The following ABHD16A variants were observed in gnomAD, a reference collection of about 807,000 sequenced individuals.
ABHD16A encodes phosphatidylserine lipase ABHD16A.
ABHD16A carries 47 observed loss-of-function variants against 89.8 expected under a neutral mutation model. That is an observed-to-expected ratio of 0.52 (90% CI 0.41 to 0.67). The LOEUF (loss-of-function observed/expected upper bound fraction) is 0.67. ABHD16A is among the 30% of genes least tolerant of loss of function. ABHD16A has a pLI of 0.00. For synonymous variants in ABHD16A, 251 were observed against 280.4 expected (o/e 0.90, Z 1.05); for missense variants, 580 against 734.6 (o/e 0.79, Z 2.43).
At position 31,688,251 on chromosome 6, in the gene ABHD16A, G is replaced by A. The variant is rs1429805764; in HGVS notation, c.1305C>T (p.Thr435=). 2.5e-6 allele frequency: 4 copies of A among 1,613,792 alleles called. No homozygotes were observed. Among genetic ancestry groups the A allele is most frequent in the African/African-American group, 1.3e-5 (1 of 74,898 alleles). The stretch of plus-strand genomic sequence containing the variant: ...GGCCGAGATTCCCACGCACTCACGT[G>A]GTGGTGATGATCTCATCCTTGGTTC... ...IRRTKDEIIT[T]TVPEDIMSNR... Residue 435 remains threonine (T), a splice_region_variant and synonymous_variant, in exon 15 of 20, where the codon ACC becomes ACT. Transcript: ENST00000395952. This position sits in a 1 kb window ranked among gnomAD's most constrained non-coding sequence, Gnocchi z 4.9.
chr6:31,694,687 G>T (rs994156994), intron 5 of ABHD16A, among the ~76,000 whole-genome samples: 1 of 152,006 alleles, frequency 6.6e-6, no homozygotes, highest in Non-Finnish European at 1.5e-5. Flanking sequence ...CACCGCGCCC[G>T]GCCTAGCTGT....
chr6:31,688,406 G>A lies in ABHD16A; in HGVS notation c.1251-101C>T. 17 of 1,225,768 alleles carry A rather than the reference G, an allele frequency of 1.4e-5. No individual in the cohort carries two copies. The highest frequency in any genetic ancestry group is 1.9e-5 in the Non-Finnish European group (16 of 836,454). 75.9% of individuals were successfully genotyped at this position (1,225,768 alleles called of 1,614,324 possible). A position where few individuals can be genotyped will look rare whatever the true frequency, so the allele number is the denominator to read the frequency against. On this transcript the variant is annotated intron_variant, in intron 14 of 19. Coordinates refer to ENST00000395952, the MANE Select transcript of ABHD16A (RefSeq NM_021160.3). This position sits in a 1 kb window ranked among gnomAD's most constrained non-coding sequence, Gnocchi z 4.9. ...CTGGTAGCATTCTTACCCTCCCCTT[G>A]CTATAGCACAGCCCTTGACCTAGCC...
At chr6:31,702,009 G>A in intron 2 of ABHD16A, 65 bp downstream of exon 2, 3 of 1,590,768 alleles carry the variant, frequency 1.9e-6, no homozygotes, top group Non-Finnish European at 1.7e-6. Flanking sequence ...AGTTAGGGAG[G>A]GCTAAGTTCA....
At chr6:31,699,408 CAAAAAAAA>C (rs9281558) in intron 4 of ABHD16A, among the ~76,000 whole-genome samples, 3 of 54,268 alleles carry the variant, frequency 5.5e-5, no homozygotes, top group African/African-American at 1.9e-4. Context: ...GACTCCGTCT[CAAAAAAAA>C]AAAAAAAAAA....
At chr6:31,691,747 G>C in intron 8 of ABHD16A, 57 bp downstream of exon 8, 1 of 1,536,448 alleles carries the variant, frequency 6.5e-7, no homozygotes, top group Non-Finnish European at 8.8e-7. Context: ...GGTGGGGCGG[G>C]GTGGGTGGGG....
At chr6:31,691,522 G>A in intron 9 of ABHD16A, 57 bp downstream of exon 9, 1 of 1,550,728 alleles carries the variant, frequency 6.4e-7, no homozygotes, top group Non-Finnish European at 8.9e-7. Flanking sequence ...GGGGTCCCCA[G>A]ACCTCTACTG....
intron 3 of ABHD16A, 28 bp from the exon 4 acceptor site, chr6:31,701,056 C>A: frequency 6.4e-7 from 1 of 1,572,660 alleles, no homozygotes. Context: ...CAATGTGAGA[C>A]CCTCTCCGCA....
In ABHD16A at chr6:31,688,259, T is replaced by C. The variant is rs757554900; in HGVS notation, c.1297A>G (p.Ile433Val). The change falls in exon 15 of 20, where the codon ATC becomes GTC. Residue 433 changes from isoleucine (I) to valine (V), a missense_variant. Physicochemically the swap from Ile to Val is conservative, Grantham distance 29 (BLOSUM62 3). This residue lies in a region of ABHD16A where 415 missense variants were observed against 568.8 expected (regional missense o/e 0.73). Coordinates refer to ENST00000395952, the MANE Select transcript of ABHD16A (RefSeq NM_021160.3). This position sits in a 1 kb window ranked among gnomAD's most constrained non-coding sequence, Gnocchi z 4.9. Reference protein sequence around the residue: ...LLIRRTKDEIITTTVPEDIMS... With the variant: ...LLIRRTKDEIVTTTVPEDIMS... ...TTCCCACGCACTCACGTGGTGGTGATGATCTCATCCTTGGTTCTCCGGATC... is the reference window on the plus strand; with the variant it reads ...TTCCCACGCACTCACGTGGTGGTGACGATCTCATCCTTGGTTCTCCGGATC... 3.7e-6 allele frequency: 6 copies of C among 1,613,994 alleles called. No homozygotes were observed. In the South Asian group the frequency reaches 6.6e-5, roughly 18 times the overall value.
At chr6:31,691,739 T>TGGGG in intron 8 of ABHD16A, 59 bp from the exon 9 acceptor site, 2 of 86,966 alleles carry the variant, frequency 2.3e-5, no homozygotes, top group South Asian at 1.5e-4. Flanking sequence ...ATCACAGGGG[T>TGGGG]GGGGCGGGGT....
In ABHD16A at chr6:31,702,138, A is replaced by G. The variant is rs778608620; in HGVS notation, c.133-8T>C. ...GGGCTGATAGTACGTATCCTGCCAA[A>G]ACAGATGGCCTCCTTAAGGACCCTG... On this transcript the variant is annotated splice_region_variant and splice_polypyrimidine_tract_variant and intron_variant, in intron 1 of 19. Transcript: ENST00000395952. 1 of 1,613,022 alleles carries G rather than the reference A, an allele frequency of 6.2e-7. No homozygotes were observed. The highest frequency in any genetic ancestry group is 1.1e-5 in the South Asian group (1 of 91,078).
intron 5 of ABHD16A, among the ~76,000 whole-genome samples, chr6:31,695,623 T>C (rs1218521997): frequency 6.6e-6 from 1 of 151,952 alleles, no homozygotes; most frequent in African/African-American, 2.4e-5. Flanking sequence ...CTTGGGAGGC[T>C]GAGGCAGGAG....
At position 31,703,251 on chromosome 6, in the gene ABHD16A, G is replaced by A; in HGVS notation, c.31C>T (p.Pro11Ser). MAKLLSCVLG[P>S]RLYKIYRERD... ...TCCCGGTAGATTTTGTAGAGCCGGG[G>A]GCCTAGGACGCAGCTCAGCAGCTTC... The change falls in exon 1 of 20, where the codon CCC (proline) becomes TCC (serine). Residue 11 changes from proline to serine, a missense_variant. Physicochemically the swap from Pro to Ser is moderately conservative, Grantham distance 74. Around this residue, in one of 2 missense-constraint regions of ABHD16A, gnomAD observed 165 missense variants for 165.8 expected, o/e 1.00. Coordinates refer to ENST00000395952, the MANE Select transcript of ABHD16A (RefSeq NM_021160.3). 7.1e-7 allele frequency: 1 copy of A among 1,409,814 alleles called. No individual in the cohort carries two copies. The highest frequency in any genetic ancestry group is 9.4e-7 in the Non-Finnish European group (1 of 1,069,442). The allele number at this position is 1,409,814 out of a possible 1,614,324, so 87.3% of individuals were successfully genotyped here. A position where few individuals can be genotyped will look rare whatever the true frequency, so the allele number is the denominator to read the frequency against.
rs763037661 is a variant in ABHD16A at position 31,687,470 on chromosome 6, C to G, written c.1593+28G>C. The stretch of plus-strand genomic sequence containing the variant: ...ATGTGAGCCCTGGCCATTCAAGAAC[C>G]CTTCCCACTTCCCACTCCTTAGCTC... On this transcript the variant is annotated intron_variant, in intron 19 of 19. Transcript: ENST00000395952. The surrounding 1 kb of genome is among the most constrained non-coding windows in gnomAD (Gnocchi z 6.3). 1.2e-5 allele frequency: 19 copies of G among 1,613,086 alleles called. No homozygotes were observed. The highest frequency in any genetic ancestry group is 1.6e-5 in the Non-Finnish European group (19 of 1,179,986).
At chr6:31,692,018 T>C in intron 7 of ABHD16A, 100 bp from the exon 8 acceptor site, 1 of 872,754 alleles carries the variant, frequency 1.1e-6, no homozygotes, top group Non-Finnish European at 1.7e-6. Context: ...TAAGGCCTGC[T>C]TTACCCCTGA....
intron 5 of ABHD16A, among the ~76,000 whole-genome samples, chr6:31,694,884 G>A (rs775154560): frequency 6.6e-6 from 1 of 152,138 alleles, no homozygotes; most frequent in Non-Finnish European, 1.5e-5. Flanking sequence ...GCAAATTTCA[G>A]GCAGGCTTTG....
chr6:31,691,744 C>T (rs1407825612), intron 8 of ABHD16A, 60 bp downstream of exon 8: 15 of 94,324 alleles, frequency 1.6e-4, no homozygotes, highest in Admixed American at 3.5e-4. Flanking sequence ...AGGGGTGGGG[C>T]GGGGTGGGTG....
intron 4 of ABHD16A, among the ~76,000 whole-genome samples, chr6:31,699,406 C>T (rs1309678806): frequency 4.0e-5 from 4 of 99,308 alleles, no homozygotes; most frequent in Non-Finnish European, 7.4e-5. Context: ...GAGACTCCGT[C>T]TCAAAAAAAA....
rs139813879 is a variant in ABHD16A, at chr6:31,697,003, C to T, written c.374G>A (p.Arg125Gln). ...TGCTTCCAAGATGGTGATGAACTGC[C>T]GGTACTGGGGGTTGGTCCAGCGGCC... ...GIGRWTNPQY[R>Q]QFITILEATH... is the part of the protein sequence containing the mutation. The change falls in exon 5 of 20, where the codon CGG becomes CAG. Residue 125 changes from arginine to glutamine, a missense_variant. This residue lies in a region of ABHD16A where 165 missense variants were observed against 165.8 expected (regional missense o/e 1.00). Transcript: ENST00000395952. 242 of 1,612,872 alleles carry T rather than the reference C, an allele frequency of 1.5e-4. No individual in the cohort carries two copies. Among genetic ancestry groups the T allele is most frequent in the Non-Finnish European group, 1.9e-4 (228 of 1,180,002 alleles).
intron 1 of ABHD16A, chr6:31,702,793 C>T (rs2151262129): frequency 6.9e-7 from 1 of 1,442,068 alleles, no homozygotes; most frequent in Non-Finnish European, 9.1e-7. Flanking sequence ...GAAGAGGAAA[C>T]TGGGAGTCTG....
Sources: allele counts gnomAD v4.1 joint callset (sites outside exome capture counted in the v4.1 genomes callset), GRCh38; gene constraint gnomAD v4.1.1; regional missense constraint gnomAD v4.1.1; non-coding constraint Gnocchi (gnomAD v3.1); transcripts MANE v1.5; gene names NCBI Gene and HGNC (gene_info 2026-07-23, HGNC 2026-07-21).